Variants in TMEFF1 observed in about 807,000 individuals in gnomAD.
TMEFF1 encodes the protein tomoregulin-1.
Under a neutral mutation model 47.5 loss-of-function variants are expected in TMEFF1, and 20 were observed. That is an observed-to-expected ratio of 0.42 (90% CI 0.30 to 0.61). The LOEUF (loss-of-function observed/expected upper bound fraction) is 0.61. TMEFF1 is among the 20% of genes least tolerant of loss of function. The pLI is 0.19. For missense variants in TMEFF1, 411 were observed against 471.1 expected, an observed-to-expected ratio of 0.87 and a Z score of 1.18; for synonymous variants, 162 against 166.3, an observed-to-expected ratio of 0.97 and a Z score of 0.20.
At chr9:100,486,537 C>T (rs757820015) in intron 1 of TMEFF1, among the ~76,000 whole-genome samples, 14 of 152,212 alleles carry the variant, frequency 9.2e-5, no homozygotes, top group Non-Finnish European at 1.6e-4. Context: ...CCACAGCACC[C>T]GGCCTGAACT....
chr9:100,477,189 T>C (rs974346578), intron 1 of TMEFF1, among the ~76,000 whole-genome samples: 1 of 152,162 alleles, frequency 6.6e-6, no homozygotes, highest in Non-Finnish European at 1.5e-5. Flanking sequence ...TTAATAGAAG[T>C]TGTCTAGATT....
intron 1 of TMEFF1, among the ~76,000 whole-genome samples, chr9:100,478,713 AC>A (rs1366453349): frequency 2.1e-5 from 3 of 139,580 alleles, no homozygotes; most frequent in Non-Finnish European, 3.1e-5. Flanking sequence ...GAAATACATG[AC>A]ATATGTGAAG....
In TMEFF1 at chr9:100,550,114, G is replaced by T; in HGVS notation, c.729G>T (p.Leu243Phe). ...TTACAGATACAGATGACACTAGTTT[G>T]TTGGGAAAGAAAGATGATGGACTAC... ...GHCTDTDDTS[L>F]LGKKDDGLQY... The change falls in exon 7 of 10, where the codon TTG (leucine) becomes TTT (phenylalanine). Residue 243 changes from leucine (L) to phenylalanine (F), a missense_variant. Transcript: ENST00000374879. 6.2e-7 allele frequency: 1 copy of T among 1,611,526 alleles called. No homozygotes were observed.
intron 1 of TMEFF1, among the ~76,000 whole-genome samples, chr9:100,477,978 A>C (rs1340995316): frequency 1.3e-5 from 2 of 151,788 alleles, no homozygotes; most frequent in Non-Finnish European, 2.9e-5. Flanking sequence ...TATTTATTTG[A>C]TTTCTGGTCT....
At position 100,478,559 on chromosome 9, in the gene TMEFF1, C is replaced by T. The variant is rs574383467; in HGVS notation, c.196+4819C>T. On this transcript the variant is annotated intron_variant, in intron 1 of 9. Coordinates refer to ENST00000374879, the MANE Select transcript of TMEFF1 (RefSeq NM_003692.5). ...AAGACTTCTTTTGTTGTCCTCTTGC[C>T]CCAGTTCTCCACTTATTCTGGACTT... 2.6e-5 allele frequency among the ~76,000 whole-genome samples: 4 copies of T among 152,214 alleles called. No homozygotes were observed. In the East Asian group the frequency reaches 7.7e-4, roughly 29 times the overall value.
intron 5 of TMEFF1, among the ~76,000 whole-genome samples, chr9:100,517,266 G>A (rs909219433): frequency 6.6e-6 from 1 of 151,900 alleles, no homozygotes; most frequent in Admixed American, 6.6e-5. Flanking sequence ...TTTTCCTGTG[G>A]TGCTGGCTTT....
chr9:100,516,658 T>G lies in TMEFF1; in HGVS notation c.464-17T>G. On this transcript the variant is annotated splice_polypyrimidine_tract_variant and intron_variant, in intron 4 of 9. Coordinates refer to ENST00000374879, the MANE Select transcript of TMEFF1 (RefSeq NM_003692.5). ...TCCCAACTTTTGGTTGTAAATTTGA[T>G]TTTTCTTTTTAAACAGAAGAGGAAG... The G allele has an allele frequency of 6.2e-7, 1 of 1,604,970 alleles. No individual in the cohort carries two copies. The highest frequency in any genetic ancestry group is 1.7e-5 in the Admixed American group (1 of 57,656).
intron 4 of TMEFF1, among the ~76,000 whole-genome samples, chr9:100,514,682 C>A (rs1397448453): frequency 2.1e-5 from 3 of 141,208 alleles, no homozygotes; most frequent in Non-Finnish European, 4.6e-5. Flanking sequence ...GAGACCCTGT[C>A]TCTACCCCAA....
At chr9:100,526,409 A>G (rs2118423360) in intron 5 of TMEFF1, among the ~76,000 whole-genome samples, 1 of 152,008 alleles carries the variant, frequency 6.6e-6, no homozygotes. Context: ...GAATGTTGAC[A>G]TCCTGGTCTA....
Position 100,524,783 on chromosome 9 carries a change from T to G in TMEFF1, c.560+8012T>G, listed in dbSNP as rs567960240. On this transcript the variant is annotated intron_variant, in intron 5 of 9. Coordinates refer to ENST00000374879, the MANE Select transcript of TMEFF1 (RefSeq NM_003692.5). ...ATTATACTTTAAGTTCTGGGGCACA[T>G]GTGCACAACGTGCAGATTTGTTACA... is the stretch of plus-strand genomic sequence containing the variant. Among the ~76,000 whole-genome samples the G allele has an allele frequency of 2.0e-5, 3 of 152,270 alleles. 1 individual carries two copies. The highest frequency in any genetic ancestry group is 1.5e-5 in the Non-Finnish European group (1 of 68,022).
At chr9:100,510,386 A>G (rs1470818781) in intron 3 of TMEFF1, among the ~76,000 whole-genome samples, 1 of 152,226 alleles carries the variant, frequency 6.6e-6, no homozygotes, top group Non-Finnish European at 1.5e-5. Flanking sequence ...GGAGGCATGG[A>G]CAGAGTTAAC....
intron 5 of TMEFF1, among the ~76,000 whole-genome samples, chr9:100,533,958 C>A (rs1031036389): frequency 6.6e-6 from 1 of 152,064 alleles, no homozygotes; most frequent in Admixed American, 6.6e-5. Flanking sequence ...ACCTCATGAT[C>A]CACCCACCTC....
intron 1 of TMEFF1, among the ~76,000 whole-genome samples, chr9:100,496,071 A>G (rs1837644839): frequency 6.6e-6 from 1 of 152,214 alleles, no homozygotes; most frequent in Non-Finnish European, 1.5e-5. Flanking sequence ...GTCTTGTGTG[A>G]GCATCAAAGC....
intron 5 of TMEFF1, among the ~76,000 whole-genome samples, chr9:100,526,468 G>A (rs188564943): frequency 1.1e-4 from 17 of 150,946 alleles, no homozygotes; most frequent in African/African-American, 3.2e-4. Context: ...AGTTTTTTTT[G>A]CTGTACTTTT....
chr9:100,557,177 T>C (rs1053360414), intron 7 of TMEFF1, among the ~76,000 whole-genome samples: 2 of 151,736 alleles, frequency 1.3e-5, no homozygotes, highest in Non-Finnish European at 2.9e-5. Flanking sequence ...AGTGTGCAAT[T>C]CAGTGGTTTT....
intron 4 of TMEFF1, among the ~76,000 whole-genome samples, chr9:100,514,690 CAAAAA>C (rs10549105): frequency 3.9e-5 from 4 of 101,632 alleles, no homozygotes; most frequent in African/African-American, 1.4e-4. Flanking sequence ...GTCTCTACCC[CAAAAA>C]AAAAAAAAAA....
intron 1 of TMEFF1, among the ~76,000 whole-genome samples, chr9:100,492,153 G>T (rs1342487325): frequency 2.0e-5 from 3 of 152,136 alleles, no homozygotes; most frequent in Non-Finnish European, 4.4e-5. Context: ...CAAAGTGCTG[G>T]GATTGCAGGC....
intron 1 of TMEFF1, among the ~76,000 whole-genome samples, chr9:100,483,235 G>T (rs1837373831): frequency 1.3e-5 from 2 of 152,136 alleles, no homozygotes; most frequent in African/African-American, 4.8e-5. Flanking sequence ...AGTGGCTCAT[G>T]CCTGTGATCC....
At chr9:100,488,961 G>A (rs1210081786) in intron 1 of TMEFF1, among the ~76,000 whole-genome samples, 1 of 151,902 alleles carries the variant, frequency 6.6e-6, no homozygotes, top group Admixed American at 6.6e-5. Flanking sequence ...ATACAATTCA[G>A]TGGTTTTCGT....
Sources: allele counts gnomAD v4.1 joint callset (sites outside exome capture counted in the v4.1 genomes callset), GRCh38; gene constraint gnomAD v4.1.1; transcripts MANE v1.5; gene names NCBI Gene and HGNC (gene_info 2026-07-23, HGNC 2026-07-21).